Variants in MACF1 observed in about 807,000 individuals in gnomAD.
The protein encoded by MACF1 is microtubule-actin cross-linking factor 1.
Under a neutral mutation model 854.8 loss-of-function variants are expected in MACF1, and 193 were observed. The ratio of observed to expected loss-of-function variants is 0.23; its 90% CI spans 0.20 to 0.25. The LOEUF (loss-of-function observed/expected upper bound fraction) is 0.25, where lower values mean the gene tolerates loss of function less well. Among genes scored for constraint, MACF1 ranks in the 10% least tolerant of loss-of-function variants. The pLI, the probability that MACF1 is intolerant of heterozygous loss-of-function variation, is 1.00. For synonymous variants in MACF1, 3,185 were observed against 3,226.7 expected, an observed-to-expected ratio of 0.99 and a Z score of 0.44; for missense variants, 7,722 against 8,929.1, an observed-to-expected ratio of 0.86 and a Z score of 5.45.
chr1:39,366,275 G>A (rs887002613), intron 49 of MACF1, among the ~76,000 whole-genome samples: 2 of 152,104 alleles, frequency 1.3e-5, no homozygotes, highest in Non-Finnish European at 2.9e-5. Context: ...GCACTTTTAT[G>A]GATGTGTTTC....
At chr1:39,269,319 A>G (rs1471398463) in intron 6 of MACF1, 2 of 1,289,772 alleles carry the variant, frequency 1.6e-6, no homozygotes, top group African/African-American at 3.0e-5. Context: ...AGACTACCCC[A>G]CTGATAAAGG....
In MACF1 at chr1:39,268,517, A is replaced by G. The variant is rs567477132; in HGVS notation, c.528+10489A>G. 6.1e-6 allele frequency: 7 copies of G among 1,152,294 alleles called. No homozygotes were observed. In the East Asian group the frequency reaches 4.5e-4, roughly 75 times the overall value. 71.4% of individuals were successfully genotyped at this position (1,152,294 alleles called of 1,614,324 possible). On this transcript the variant is annotated intron_variant, in intron 6 of 100. Transcript: ENST00000564288. ...CTGAGCCTGTAAGATGGCTGTCTGA[A>G]TCGGCAGCGGCTGGAAGAGACAGAG...
chr1:39,119,317 C>CAAAAAAA (rs745686071), intron 2 of MACF1, among the ~76,000 whole-genome samples: 4 of 84,760 alleles, frequency 4.7e-5, no homozygotes, highest in African/African-American at 9.1e-5. Context: ...AACTCCGTCT[C>CAAAAAAA]AAAAAAAAAA....
chr1:39,421,958 C>A (rs1373392281), intron 58 of MACF1, among the ~76,000 whole-genome samples: 1 of 152,008 alleles, frequency 6.6e-6, no homozygotes, highest in Non-Finnish European at 1.5e-5. Flanking sequence ...GTCTGTAGTC[C>A]CAGCTGCTCA....
chr1:39,145,678 C>A (rs377645382), intron 2 of MACF1, among the ~76,000 whole-genome samples: 3 of 152,206 alleles, frequency 2.0e-5, no homozygotes, highest in Admixed American at 6.5e-5. Context: ...TTTGTTCTCA[C>A]GCTGTTTCAT....
chr1:39,419,210 A>G (rs1639489616), intron 58 of MACF1, among the ~76,000 whole-genome samples: 1 of 152,236 alleles, frequency 6.6e-6, no homozygotes, highest in African/African-American at 2.4e-5. Flanking sequence ...AGGTGCTTTC[A>G]TATATGTTTT....
intron 94 of MACF1, chr1:39,464,741 C>A: frequency 4.3e-6 from 1 of 232,880 alleles, no homozygotes. Flanking sequence ...TGGTGAAACA[C>A]CCTCTCTACT....
intron 2 of MACF1, among the ~76,000 whole-genome samples, chr1:39,237,856 C>T (rs1349592334): frequency 6.6e-6 from 1 of 151,622 alleles, no homozygotes; most frequent in South Asian, 2.1e-4. Flanking sequence ...CGTTGTGGCT[C>T]CAGTTACAAA....
chr1:39,163,202 T>G (rs1643837717), intron 2 of MACF1, among the ~76,000 whole-genome samples: 1 of 151,830 alleles, frequency 6.6e-6, no homozygotes, highest in Non-Finnish European at 1.5e-5. Context: ...AATACAAAAA[T>G]TAGCCGAGTG....
intron 2 of MACF1, among the ~76,000 whole-genome samples, chr1:39,114,182 GTTT>G (rs10715454): frequency 2.6e-4 from 37 of 142,466 alleles, no homozygotes; most frequent in African/African-American, 7.2e-4. Context: ...ATACTTTACT[GTTT>G]TTTTTTTTTT....
chr1:39,276,853 C>T (rs759524473), intron 6 of MACF1, among the ~76,000 whole-genome samples: 1 of 152,030 alleles, frequency 6.6e-6, no homozygotes, highest in Non-Finnish European at 1.5e-5. Flanking sequence ...TATTAGGCTT[C>T]CAGGGAGCTT....
chr1:39,398,785 G>C (rs1275731746), intron 58 of MACF1, among the ~76,000 whole-genome samples: 1 of 152,154 alleles, frequency 6.6e-6, no homozygotes, highest in East Asian at 1.9e-4. Flanking sequence ...CTCTATGCCT[G>C]ACCAGTCCCC....
At chr1:39,132,015 C>T (rs1463163692) in intron 2 of MACF1, among the ~76,000 whole-genome samples, 1 of 152,158 alleles carries the variant, frequency 6.6e-6, no homozygotes, top group Non-Finnish European at 1.5e-5. Flanking sequence ...AGAAGTGTTC[C>T]ATCTGACTAC....
chr1:39,288,060 ATATT>A (rs1487298281), intron 15 of MACF1, among the ~76,000 whole-genome samples: 3 of 152,294 alleles, frequency 2.0e-5, no homozygotes, highest in Admixed American at 2.0e-4. Context: ...GAAGGTACAT[ATATT>A]TATACGATAC....
At chr1:39,328,977 A>T (rs1261087758) in intron 36 of MACF1, among the ~76,000 whole-genome samples, 1 of 152,164 alleles carries the variant, frequency 6.6e-6, no homozygotes, top group East Asian at 1.9e-4. Flanking sequence ...TCTCAAAGGG[A>T]TGTTTTTCTT....
chr1:39,395,907 C>T (rs1642254277), intron 58 of MACF1, among the ~76,000 whole-genome samples: 1 of 152,218 alleles, frequency 6.6e-6, no homozygotes, highest in African/African-American at 2.4e-5. Flanking sequence ...CCCAGGCTTG[C>T]AGCCACTGCA....
chr1:39,315,028 T>C (rs1646383801), intron 26 of MACF1, among the ~76,000 whole-genome samples: 1 of 152,216 alleles, frequency 6.6e-6, no homozygotes, highest in African/African-American at 2.4e-5. Flanking sequence ...TATTTATTTC[T>C]TTACAAGAAT....
At chr1:39,366,943 CTT>C (rs138556133) in intron 49 of MACF1, among the ~76,000 whole-genome samples, 2,989 of 92,938 alleles carry the variant, frequency 0.032, 88 homozygotes, top group African/African-American at 0.11. Context: ...CATGCCTGGC[CTT>C]TTTTTTTTTT....
Position 39,335,883 on chromosome 1 carries a change from A to C in MACF1, c.9295A>C (p.Ser3099Arg), listed in dbSNP as rs923252519. Residue 3099 changes from serine (S) to arginine (R), a missense_variant, in exon 37 of 101, where the codon AGT becomes CGT. Ser to Arg is a moderately radical substitution (Grantham distance 110). This residue lies in a region of MACF1 where 854 missense variants were observed against 852.6 expected (regional missense o/e 1.00). Transcript: ENST00000564288. ...LSREIACGAQ[S>R]EPFPCMTPRP... ...TCGAGAAATTGCCTGTGGGGCCCAG[A>C]GTGAACCATTCCCTTGTATGACCCC... The C allele has an allele frequency of 1.2e-6, 2 of 1,614,136 alleles. No individual in the cohort carries two copies.
Sources: allele counts gnomAD v4.1 joint callset (sites outside exome capture counted in the v4.1 genomes callset), GRCh38; gene constraint gnomAD v4.1.1; regional missense constraint gnomAD v4.1.1; transcripts MANE v1.5; gene names NCBI Gene and HGNC (gene_info 2026-07-23, HGNC 2026-07-21).